The following CRYZ variants were observed in gnomAD, a reference collection of about 807,000 sequenced individuals.
CRYZ encodes crystallin zeta, also known as zeta-crystallin.
In CRYZ, 35 loss-of-function variants were observed where a neutral mutation model predicts 34.1. That is an observed-to-expected ratio of 1.03 (90% CI 0.78 to 1.36). The LOEUF is 1.36. Among genes scored for constraint, CRYZ ranks in the 40% most tolerant of loss-of-function variants. CRYZ has a pLI of 0.00. For synonymous variants in CRYZ, 137 were observed against 136.5 expected, an observed-to-expected ratio of 1.00 and a Z score of -0.03; for missense variants, 403 against 391.8, an observed-to-expected ratio of 1.03 and a Z score of -0.24.
In CRYZ at chr1:74,723,140, C is replaced by A; in HGVS notation, c.242G>T (p.Gly81Val). 6.2e-7 allele frequency: 1 copy of A among 1,612,658 alleles called. No homozygotes were observed. Among genetic ancestry groups the A allele is most frequent in the South Asian group, 1.1e-5 (1 of 90,524 alleles). Residue 81 changes from glycine (G) to valine (V), a missense_variant, in exon 3 of 9, where the codon GGA (glycine) becomes GTA (valine). Transcript: ENST00000340866. ...TACCTTGAAAGCAGATGCATTATCT[C>A]CAACAGCTTCTATCACCCCAGCCAC... ...SDVAGVIEAV[G>V]DNASAFKKGD...
chr1:74,720,168 G>A (rs1157710623), intron 3 of CRYZ, among the ~76,000 whole-genome samples: 3 of 152,032 alleles, frequency 2.0e-5, no homozygotes, highest in Non-Finnish European at 4.4e-5. Flanking sequence ...ATGCTAGGGA[G>A]AAGAAACAAA....
chr1:74,725,069 A>C (rs546636305), intron 1 of CRYZ, among the ~76,000 whole-genome samples: 1 of 152,366 alleles, frequency 6.6e-6, no homozygotes, highest in East Asian at 1.9e-4. Flanking sequence ...AAAGGAATCA[A>C]ACATGCAAAC....
intron 3 of CRYZ, 64 bp from the exon 4 acceptor site, chr1:74,719,436 A>G: frequency 7.0e-7 from 1 of 1,426,970 alleles, no homozygotes; most frequent in Non-Finnish European, 9.6e-7. Flanking sequence ...AATAGGTATA[A>G]TCCTTTATAA....
intron 6 of CRYZ, 34 bp from the exon 7 acceptor site, chr1:74,707,238 G>T: frequency 1.6e-6 from 2 of 1,224,766 alleles, no homozygotes; most frequent in Non-Finnish European, 2.3e-6. Flanking sequence ...GAGTAAGATA[G>T]CAAGTGAAAA....
At chr1:74,709,852 AGCTATAAG>A (rs1646977244) in intron 6 of CRYZ, among the ~76,000 whole-genome samples, 1 of 152,234 alleles carries the variant, frequency 6.6e-6, no homozygotes, top group Non-Finnish European at 1.5e-5. Context: ...CAATTTTTAT[AGCTATAAG>A]ATTCTAGAGA....
chr1:74,730,571 G>A (rs1647659651), intron 1 of CRYZ, among the ~76,000 whole-genome samples: 1 of 152,196 alleles, frequency 6.6e-6, no homozygotes, highest in African/African-American at 2.4e-5. Flanking sequence ...AGGTAGAGAA[G>A]TTATTTAAAC....
rs923036733 is a variant in CRYZ at position 74,705,537 on chromosome 1, C to A, written c.*759G>T. The A allele has an allele frequency of 2.0e-5, 3 of 152,052 alleles. No homozygotes were observed. Among genetic ancestry groups the A allele is most frequent in the Non-Finnish European group, 4.4e-5 (3 of 67,972 alleles). 9.4% of individuals were successfully genotyped at this position (152,052 alleles called of 1,614,324 possible). The stretch of plus-strand genomic sequence containing the variant: ...ACATTATTATGTTACGAGACAAATG[C>A]AGATAATTCTTAATTTATCAAATTT... On this transcript the variant is annotated 3_prime_UTR_variant, in exon 9 of 9. Coordinates refer to ENST00000340866, the MANE Select transcript of CRYZ (RefSeq NM_001889.4).
intron 5 of CRYZ, among the ~76,000 whole-genome samples, chr1:74,713,622 A>T (rs1273589912): frequency 1.3e-5 from 2 of 152,146 alleles, no homozygotes; most frequent in African/African-American, 4.8e-5. Context: ...GAGAGACAAA[A>T]AGGACTGAAA....
At chr1:74,719,459 G>T in intron 3 of CRYZ, 87 bp from the exon 4 acceptor site, 1 of 1,266,730 alleles carries the variant, frequency 7.9e-7, no homozygotes, top group Non-Finnish European at 1.1e-6. Context: ...AGAAATAAGT[G>T]AGTACTCATA....
intron 4 of CRYZ, among the ~76,000 whole-genome samples, chr1:74,716,369 T>C (rs946382146): frequency 1.3e-5 from 2 of 152,150 alleles, no homozygotes; most frequent in African/African-American, 4.8e-5. Context: ...CCCTGACTAA[T>C]ACAGTCATCT....
In CRYZ at chr1:74,713,527, G is replaced by C. The variant is rs149363095; in HGVS notation, c.480+1052C>G. ...CCTAGTGTTTTTTCATAAATTGTTT[G>C]ATCTGTGAAATCCTTTAGAATTGAT... On this transcript the variant is annotated intron_variant, in intron 5 of 8. Transcript: ENST00000340866. 1.4e-3 allele frequency among the ~76,000 whole-genome samples: 212 copies of C among 152,222 alleles called. 2 individuals carry two copies. The highest frequency in any genetic ancestry group is 4.8e-3 in the African/African-American group (201 of 41,546).
chr1:74,720,302 CCT>C (rs1647141377), intron 3 of CRYZ, among the ~76,000 whole-genome samples: 1 of 152,040 alleles, frequency 6.6e-6, no homozygotes, highest in African/African-American at 2.4e-5. Flanking sequence ...ATACTAGGAC[CCT>C]GACAGCAGGA....
At chr1:74,731,205 C>T (rs1647708263) in intron 1 of CRYZ, among the ~76,000 whole-genome samples, 1 of 152,172 alleles carries the variant, frequency 6.6e-6, no homozygotes, top group Non-Finnish European at 1.5e-5. Context: ...AATCCCTCTT[C>T]CAACAGTGAT....
chr1:74,721,071 C>T lies in CRYZ; in HGVS notation c.265-1699G>A, dbSNP rs183964123. Among the ~76,000 whole-genome samples, 19 of 152,032 alleles carry T rather than the reference C, an allele frequency of 1.2e-4. No individual in the cohort carries two copies. The East Asian group carries it at 2.5e-3, about 20-fold the overall frequency. ...AAACTAGAATGGGGAAGAGTCATTA[C>T]GGGTGAAGGAAACAAAGTTGGCCAA... On this transcript the variant is annotated intron_variant, in intron 3 of 8. Coordinates refer to ENST00000340866, the MANE Select transcript of CRYZ (RefSeq NM_001889.4).
chr1:74,706,692 A>C (rs552418943), intron 8 of CRYZ, among the ~76,000 whole-genome samples: 1 of 152,230 alleles, frequency 6.6e-6, no homozygotes, highest in East Asian at 1.9e-4. Context: ...TGAAATTATT[A>C]CTAGTATCAC....
At chr1:74,713,854 G>C (rs1647036111) in intron 5 of CRYZ, among the ~76,000 whole-genome samples, 1 of 152,102 alleles carries the variant, frequency 6.6e-6, no homozygotes, top group South Asian at 2.1e-4. Flanking sequence ...TCCAGTGACA[G>C]AGTTCATGTG....
intron 3 of CRYZ, 150 bp from the exon 4 acceptor site, chr1:74,719,522 G>A: frequency 3.3e-6 from 2 of 603,098 alleles, no homozygotes; most frequent in African/African-American, 3.7e-5. Flanking sequence ...TTGAGACAGA[G>A]TCTTGCACTG....
chr1:74,720,290 C>T (rs1468935614), intron 3 of CRYZ, among the ~76,000 whole-genome samples: 1 of 150,522 alleles, frequency 6.6e-6, no homozygotes, highest in East Asian at 1.9e-4. Context: ...AGGCAGAAAA[C>T]CATACTAGGA....
chr1:74,730,186 C>T (rs1028570220), intron 1 of CRYZ, among the ~76,000 whole-genome samples: 1 of 152,200 alleles, frequency 6.6e-6, no homozygotes, highest in Non-Finnish European at 1.5e-5. Flanking sequence ...GAAGATGACT[C>T]ATCCTACTGG....
Sources: allele counts gnomAD v4.1 joint callset (sites outside exome capture counted in the v4.1 genomes callset), GRCh38; gene constraint gnomAD v4.1.1; transcripts MANE v1.5; gene names NCBI Gene and HGNC (gene_info 2026-07-23, HGNC 2026-07-21).